The following AFAP1L1 variants were observed in gnomAD, a reference collection of about 807,000 sequenced individuals.
The protein encoded by AFAP1L1 is actin filament-associated protein 1-like 1.
Under a neutral mutation model 99.8 loss-of-function variants are expected in AFAP1L1, and 77 were observed. The observed-to-expected ratio is 0.77, with a 90% CI of 0.64 to 0.93. The LOEUF (loss-of-function observed/expected upper bound fraction) is 0.93, where lower values mean the gene tolerates loss of function less well. Ranked by LOEUF, AFAP1L1 falls within the 40% of genes least tolerant of loss-of-function variation. The probability of loss-of-function intolerance (pLI) is 0.00; values close to 1 mark genes in which losing one functional copy is unlikely to be tolerated. For missense variants in AFAP1L1, 893 were observed against 996.8 expected, an observed-to-expected ratio of 0.90 and a Z score of 1.40; for synonymous variants, 373 against 395.3, an observed-to-expected ratio of 0.94 and a Z score of 0.67.
At chr5:149,295,130 C>G (rs530784231) in intron 1 of AFAP1L1, among the ~76,000 whole-genome samples, 1 of 152,210 alleles carries the variant, frequency 6.6e-6, no homozygotes, top group Non-Finnish European at 1.5e-5. Flanking sequence ...CTGCCAGATC[C>G]GTTCAGGTCG....
rs1268838187 is a variant in AFAP1L1 at position 149,271,978 on chromosome 5, G to A, written c.10G>A (p.Gly4Ser). ...GGACCGGGCCGGCGCCATGGACCGA[G>A]GCCAGGGTAAGAGGGGCCGCGACGC... MDRGQVLEQLLPEL... is the reference protein window; with the variant it reads MDRSQVLEQLLPEL... Residue 4 changes from glycine to serine, a missense_variant, in exon 1 of 19, where the codon GGC becomes AGC. By Grantham distance (56) the Gly-to-Ser change is moderately conservative. Coordinates refer to ENST00000296721, the MANE Select transcript of AFAP1L1 (RefSeq NM_152406.4). 1.6e-6 allele frequency: 2 copies of A among 1,238,128 alleles called. No homozygotes were observed. Among genetic ancestry groups the A allele is most frequent in the African/African-American group, 1.6e-5 (1 of 64,328 alleles). The allele number at this position is 1,238,128 out of a possible 1,614,324, so 76.7% of individuals were successfully genotyped here. A position where few individuals can be genotyped will look rare whatever the true frequency, so the allele number is the denominator to read the frequency against.
intron 1 of AFAP1L1, among the ~76,000 whole-genome samples, chr5:149,283,197 C>G (rs186367332): frequency 1.2e-4 from 19 of 152,290 alleles, no homozygotes; most frequent in Non-Finnish European, 2.5e-4. Context: ...ATGTCATTGA[C>G]GTGGTTACCA....
intron 1 of AFAP1L1, 81 bp downstream of exon 1, chr5:149,272,065 G>T (rs1755129951): frequency 1.7e-6 from 2 of 1,197,216 alleles, no homozygotes; most frequent in South Asian, 4.2e-5. Flanking sequence ...CGGAGAGGAG[G>T]AGGGAGAGAG....
At chr5:149,307,818 T>TTCTCCCTCTCTCTCTCTCTCTCTCTCTC (rs1756473768) in intron 7 of AFAP1L1, among the ~76,000 whole-genome samples, 1 of 100,504 alleles carries the variant, frequency 9.9e-6, no homozygotes, top group East Asian at 3.3e-4. Context: ...GTGCCTCTCT[T>TTCTCCCTCTCTCTCTCTCTCTCTCTCTC]TCTCTCTCTC....
At chr5:149,308,643 T>C (rs1038612948) in intron 7 of AFAP1L1, among the ~76,000 whole-genome samples, 2 of 152,146 alleles carry the variant, frequency 1.3e-5, no homozygotes, top group Non-Finnish European at 2.9e-5. Context: ...CTTTTCTCAC[T>C]CCAGGGCGGC....
intron 15 of AFAP1L1, among the ~76,000 whole-genome samples, chr5:149,323,822 G>A (rs1206821135): frequency 6.6e-6 from 1 of 152,176 alleles, no homozygotes; most frequent in Admixed American, 6.5e-5. Context: ...TGGAAATGCA[G>A]GGCCTTGTGA....
At chr5:149,313,248 T>A (rs1756693063) in intron 9 of AFAP1L1, among the ~76,000 whole-genome samples, 1 of 152,038 alleles carries the variant, frequency 6.6e-6, no homozygotes, top group Admixed American at 6.5e-5. Context: ...GTATTGTGGG[T>A]AACAAAGGGC....
intron 1 of AFAP1L1, among the ~76,000 whole-genome samples, chr5:149,284,912 A>G (rs1755628686): frequency 6.6e-6 from 1 of 152,222 alleles, no homozygotes; most frequent in African/African-American, 2.4e-5. Context: ...AAAAGCAGAG[A>G]TACATAAAAC....
rs554688849 is a variant in AFAP1L1, at chr5:149,334,755, C to A, written c.2155-839C>A. On this transcript the variant is annotated intron_variant, in intron 17 of 18. Transcript: ENST00000296721. Reference sequence around the variant, plus strand: ...GGTGAAACCCCATCTCTACTAAAAACGCAAAAATTAATTGGGCATGGTGGC... The same window carrying A: ...GGTGAAACCCCATCTCTACTAAAAAAGCAAAAATTAATTGGGCATGGTGGC... Among the ~76,000 whole-genome samples the A allele has an allele frequency of 2.0e-5, 3 of 151,648 alleles. No individual in the cohort carries two copies. The South Asian group carries it at 6.3e-4, about 32-fold the overall frequency.
chr5:149,292,235 C>G (rs1377377456), intron 1 of AFAP1L1, among the ~76,000 whole-genome samples: 4 of 152,196 alleles, frequency 2.6e-5, no homozygotes, highest in Non-Finnish European at 5.9e-5. Flanking sequence ...ACTCACTTGT[C>G]TTTTGTTATG....
intron 12 of AFAP1L1, 102 bp downstream of exon 12, chr5:149,318,042 A>T: frequency 7.4e-7 from 1 of 1,347,940 alleles, no homozygotes; most frequent in South Asian, 1.4e-5. Flanking sequence ...CACCATGGGG[A>T]CTGAAGGGGA....
chr5:149,294,981 G>T (rs934248269), intron 1 of AFAP1L1, among the ~76,000 whole-genome samples: 3 of 152,190 alleles, frequency 2.0e-5, no homozygotes, highest in African/African-American at 7.2e-5. Context: ...TTCCTCCTTT[G>T]TAGGGCGCTG....
In AFAP1L1 at chr5:149,343,387, C is replaced by A. The variant is rs1302451048; in HGVS notation, c.*3357C>A. 6.6e-6 allele frequency among the ~76,000 whole-genome samples: 1 copy of A among 152,052 alleles called. No homozygotes were observed. The highest frequency in any genetic ancestry group is 1.5e-5 in the Non-Finnish European group (1 of 68,006). On this transcript the variant is annotated 3_prime_UTR_variant, in exon 19 of 19. Coordinates refer to ENST00000296721, the MANE Select transcript of AFAP1L1 (RefSeq NM_152406.4). ...AGCTGGCAACTCCAAGTGCCCTGGACCCCAGTCACCAATCCATCCTCTCAG... is the reference window on the plus strand; with the variant it reads ...AGCTGGCAACTCCAAGTGCCCTGGAACCCAGTCACCAATCCATCCTCTCAG...
intron 7 of AFAP1L1, among the ~76,000 whole-genome samples, chr5:149,307,868 G>C (rs1045263806): frequency 3.2e-5 from 1 of 31,220 alleles, no homozygotes; most frequent in East Asian, 1.2e-3. Context: ...TAAATTTAAA[G>C]ACCTGGGCTA....
At chr5:149,282,353 A>G (rs930680533) in intron 1 of AFAP1L1, among the ~76,000 whole-genome samples, 3 of 151,332 alleles carry the variant, frequency 2.0e-5, no homozygotes, top group East Asian at 3.9e-4. Context: ...TCCCTCAACC[A>G]TGTAGTCCCC....
chr5:149,333,147 G>T (rs942042745), intron 17 of AFAP1L1, among the ~76,000 whole-genome samples: 3 of 152,188 alleles, frequency 2.0e-5, no homozygotes, highest in Admixed American at 6.5e-5. Context: ...AAATGGCCTT[G>T]GAGTTATTGA....
intron 1 of AFAP1L1, among the ~76,000 whole-genome samples, chr5:149,272,968 G>T (rs1344847198): frequency 6.6e-6 from 1 of 152,026 alleles, no homozygotes; most frequent in Non-Finnish European, 1.5e-5. Flanking sequence ...CTCTCAAAGT[G>T]CTGGGATTAC....
At position 149,343,044 on chromosome 5, in the gene AFAP1L1, T is replaced by C. The variant is rs1757601241; in HGVS notation, c.*3014T>C. 6.6e-6 allele frequency among the ~76,000 whole-genome samples: 1 copy of C among 152,210 alleles called. No individual in the cohort carries two copies. Among genetic ancestry groups the C allele is most frequent in the Admixed American group, 6.5e-5 (1 of 15,286 alleles). The stretch of plus-strand genomic sequence containing the variant: ...CCTTATTGCGGGATCTTGCATAGGT[T>C]TACCAACCTTTCTGAGCCTCAATTT... On this transcript the variant is annotated 3_prime_UTR_variant, in exon 19 of 19. Transcript: ENST00000296721.
chr5:149,308,191 T>C (rs1171344790), intron 7 of AFAP1L1, among the ~76,000 whole-genome samples: 1 of 152,212 alleles, frequency 6.6e-6, no homozygotes, highest in Non-Finnish European at 1.5e-5. Flanking sequence ...ACCATGTTTT[T>C]GTTTTGACAA....
Sources: gnomAD v4.1 joint callset for allele counts (sites outside exome capture counted in the v4.1 genomes callset) on GRCh38, gnomAD v4.1.1 for gene constraint, MANE v1.5 for transcripts, NCBI Gene and HGNC (gene_info 2026-07-23, HGNC 2026-07-21) for gene names.